PLPP4: variants seen among roughly 807,000 people sequenced by gnomAD.
PLPP4 encodes the protein diacylglycerol pyrophosphate like 2.
In PLPP4, 20 loss-of-function variants were observed where a neutral mutation model predicts 32.2. The ratio of observed to expected loss-of-function variants is 0.62; its 90% confidence interval spans 0.44 to 0.90. The LOEUF is 0.90. Among genes scored for constraint, PLPP4 ranks in the 40% least tolerant of loss-of-function variants. The pLI, the probability that PLPP4 is intolerant of heterozygous loss-of-function variation, is 0.00. For missense variants in PLPP4, 257 were observed against 353.1 expected (o/e 0.73, Z 2.18); for synonymous variants, 127 against 133.0 (o/e 0.95, Z 0.31).
At chr10:120,545,440 A>T (rs1366977425) in intron 5 of PLPP4, among the ~76,000 whole-genome samples, 1 of 152,122 alleles carries the variant, frequency 6.6e-6, no homozygotes, top group Non-Finnish European at 1.5e-5. Context: ...CATTGCCCTG[A>T]TAGTTTTTCT....
At chr10:120,471,950 T>A (rs1179635547) in intron 1 of PLPP4, among the ~76,000 whole-genome samples, 1 of 152,070 alleles carries the variant, frequency 6.6e-6, no homozygotes, top group African/African-American at 2.4e-5. Flanking sequence ...CTTATTACCA[T>A]CATCTTCCCT....
intron 5 of PLPP4, among the ~76,000 whole-genome samples, chr10:120,550,135 G>A (rs1471090107): frequency 6.6e-6 from 1 of 151,820 alleles, no homozygotes; most frequent in Admixed American, 6.6e-5. Flanking sequence ...AGGATACAAG[G>A]TCAATATAGA....
intron 5 of PLPP4, among the ~76,000 whole-genome samples, chr10:120,523,647 C>T (rs146425129): frequency 6.6e-6 from 1 of 152,216 alleles, no homozygotes; most frequent in East Asian, 1.9e-4. Flanking sequence ...TTCTCTTCTC[C>T]TTTTCTTCTC....
intron 6 of PLPP4, among the ~76,000 whole-genome samples, chr10:120,578,292 T>A (rs1459910996): frequency 6.6e-6 from 1 of 152,204 alleles, no homozygotes; most frequent in Non-Finnish European, 1.5e-5. Flanking sequence ...AACTGCAGTG[T>A]AGGTGGATGT....
chr10:120,505,231 C>G (rs534439199), intron 2 of PLPP4, among the ~76,000 whole-genome samples: 8 of 152,350 alleles, frequency 5.3e-5, no homozygotes, highest in Non-Finnish European at 8.8e-5. Flanking sequence ...GCGGCCAGCT[C>G]TTGGAGCTCA....
chr10:120,460,449 C>G (rs924541608), intron 1 of PLPP4, among the ~76,000 whole-genome samples: 1 of 152,160 alleles, frequency 6.6e-6, no homozygotes, highest in African/African-American at 2.4e-5. Context: ...ACCAATGGTG[C>G]ACTACTAGAA....
chr10:120,512,599 G>A (rs1479805615), intron 2 of PLPP4, among the ~76,000 whole-genome samples: 2 of 152,130 alleles, frequency 1.3e-5, no homozygotes, highest in African/African-American at 4.8e-5. Flanking sequence ...GTTGAATTCT[G>A]TTTTTATAAA....
rs751622346 is a variant in PLPP4, at chr10:120,574,129, T to TACACACACAC, written c.446-971_446-962dup. ...GCCACCATTAGAATCATCTGGGGAG[T>TACACACACAC]ACACACACACACACACACACACACA... On this transcript the variant is annotated intron_variant, in intron 5 of 6. Transcript: ENST00000398250. 2.4e-3 allele frequency among the ~76,000 whole-genome samples: 136 copies of TACACACACAC among 56,984 alleles called. 1 individual carries two copies. Among genetic ancestry groups the TACACACACAC allele is most frequent in the African/African-American group, 3.5e-3 (59 of 16,718 alleles). The allele number at this position is 56,984 out of a possible 152,430, so 37.4% of individuals were successfully genotyped here.
chr10:120,580,174 T>C (rs1849429525), intron 6 of PLPP4, among the ~76,000 whole-genome samples: 2 of 148,472 alleles, frequency 1.3e-5, no homozygotes, highest in Admixed American at 1.3e-4. Flanking sequence ...AACACAGCTC[T>C]CAGATGAACT....
intron 1 of PLPP4, chr10:120,503,586 G>A (rs1365462228): frequency 2.5e-6 from 4 of 1,609,908 alleles, no homozygotes; most frequent in Non-Finnish European, 3.4e-6. Context: ...CTTATGCATG[G>A]AATTGGTCCT....
intron 1 of PLPP4, among the ~76,000 whole-genome samples, chr10:120,492,306 A>G (rs1157691899): frequency 1.3e-5 from 2 of 152,254 alleles, no homozygotes; most frequent in Non-Finnish European, 2.9e-5. Flanking sequence ...GAAAGGTTTG[A>G]AAATAGTTGC....
At chr10:120,523,581 C>T (rs188731061) in intron 5 of PLPP4, among the ~76,000 whole-genome samples, 1 of 152,250 alleles carries the variant, frequency 6.6e-6, no homozygotes, top group African/African-American at 2.4e-5. Context: ...CCCATCTGCT[C>T]TCCATCTGTC....
At chr10:120,470,090 G>T (rs1224972769) in intron 1 of PLPP4, among the ~76,000 whole-genome samples, 2 of 152,202 alleles carry the variant, frequency 1.3e-5, no homozygotes, top group African/African-American at 2.4e-5. Context: ...TTTCACCACA[G>T]TTGTGTGAAG....
At chr10:120,493,661 C>G (rs116628456) in intron 1 of PLPP4, among the ~76,000 whole-genome samples, 1,721 of 152,298 alleles carry the variant, frequency 0.011, 42 homozygotes, top group African/African-American at 0.039. Context: ...CAATCCCCCC[C>G]CATCCTACCC....
chr10:120,558,692 T>G (rs1313157265), intron 5 of PLPP4, among the ~76,000 whole-genome samples: 1 of 152,098 alleles, frequency 6.6e-6, no homozygotes, highest in Non-Finnish European at 1.5e-5. Context: ...GCTGGGATTA[T>G]AGGTGTGAGC....
At chr10:120,543,151 C>G in intron 5 of PLPP4, among the ~76,000 whole-genome samples, 1 of 152,214 alleles carries the variant, frequency 6.6e-6, no homozygotes, top group East Asian at 1.9e-4. Context: ...CTGCCTGCCA[C>G]AGCTAAGTGA....
chr10:120,487,592 A>G (rs1172970517), intron 1 of PLPP4, among the ~76,000 whole-genome samples: 2 of 152,218 alleles, frequency 1.3e-5, no homozygotes, highest in Non-Finnish European at 2.9e-5. Context: ...TTAATAGACA[A>G]GATAACCTTA....
intron 3 of PLPP4, among the ~76,000 whole-genome samples, chr10:120,514,588 T>C (rs1011195472): frequency 6.6e-6 from 1 of 152,208 alleles, no homozygotes; most frequent in African/African-American, 2.4e-5. Flanking sequence ...TATAAAGTCT[T>C]CCCAAGACGA....
chr10:120,515,198 C>A (rs2133894870), intron 3 of PLPP4, among the ~76,000 whole-genome samples: 1 of 152,246 alleles, frequency 6.6e-6, no homozygotes, highest in East Asian at 1.9e-4. Flanking sequence ...ATCTCACAGA[C>A]ATCCAAGAAA....
Sources: gnomAD v4.1 joint callset for allele counts (sites outside exome capture counted in the v4.1 genomes callset) on GRCh38, gnomAD v4.1.1 for gene constraint, MANE v1.5 for transcripts, NCBI Gene and HGNC (gene_info 2026-07-23, HGNC 2026-07-21) for gene names.